Variants in RALGAPB observed in about 807,000 individuals in gnomAD.
RALGAPB encodes Ral GTPase activating protein non-catalytic subunit beta, also known as ral GTPase-activating protein subunit beta.
Under a neutral mutation model 161.1 loss-of-function variants are expected in RALGAPB, and 25 were observed. The ratio of observed to expected loss-of-function variants is 0.16; its 90% CI spans 0.11 to 0.22. The LOEUF (loss-of-function observed/expected upper bound fraction) is 0.22. Among genes scored for constraint, RALGAPB ranks in the 10% least tolerant of loss-of-function variants. The probability of loss-of-function intolerance (pLI) is 1.00; values close to 1 mark genes in which losing one functional copy is unlikely to be tolerated. For synonymous variants in RALGAPB, 629 were observed against 626.1 expected (o/e 1.00, Z -0.07); for missense variants, 1,391 against 1,815.2 (o/e 0.77, Z 4.25).
intron 5 of RALGAPB, among the ~76,000 whole-genome samples, chr20:38,507,176 T>G (rs958461234): frequency 1.3e-5 from 2 of 152,202 alleles, no homozygotes; most frequent in Non-Finnish European, 2.9e-5. Flanking sequence ...TTTAGTTCCC[T>G]TTTTAAAAAT....
At chr20:38,527,955 T>C (rs1443358251) in intron 13 of RALGAPB, among the ~76,000 whole-genome samples, 2 of 152,198 alleles carry the variant, frequency 1.3e-5, no homozygotes, top group Non-Finnish European at 2.9e-5. Context: ...CACCATCTCA[T>C]TTCTGTCCTA....
chr20:38,543,445 T>C (rs1246549760), intron 18 of RALGAPB, among the ~76,000 whole-genome samples: 1 of 152,230 alleles, frequency 6.6e-6, no homozygotes, highest in Non-Finnish European at 1.5e-5. Flanking sequence ...TGCCCTATTT[T>C]CGATCTCTTA....
intron 22 of RALGAPB, 50 bp from the exon 23 acceptor site, chr20:38,558,245 A>G (rs1329503943): frequency 1.4e-6 from 2 of 1,383,316 alleles, no homozygotes; most frequent in African/African-American, 1.5e-5. Flanking sequence ...TATAATTATA[A>G]CAATGAAAGA....
At chr20:38,492,614 C>A (rs2085312686) in intron 2 of RALGAPB, among the ~76,000 whole-genome samples, 1 of 152,110 alleles carries the variant, frequency 6.6e-6, no homozygotes, top group Non-Finnish European at 1.5e-5. Context: ...CATATCTAAT[C>A]TCTATGGAAA....
At chr20:38,490,758 C>T (rs2085256557) in intron 2 of RALGAPB, among the ~76,000 whole-genome samples, 1 of 151,958 alleles carries the variant, frequency 6.6e-6, no homozygotes, top group Non-Finnish European at 1.5e-5. Context: ...GATCCACCCA[C>T]CTTGGCCTCC....
intron 21 of RALGAPB, among the ~76,000 whole-genome samples, chr20:38,552,861 A>G (rs1027271568): frequency 2.0e-5 from 3 of 152,188 alleles, no homozygotes; most frequent in Admixed American, 2.0e-4. Flanking sequence ...CTGGAAGCAT[A>G]AGTAAAGAAT....
chr20:38,525,083 A>C, intron 11 of RALGAPB, 138 bp downstream of exon 11: 4 of 871,050 alleles, frequency 4.6e-6, no homozygotes, highest in Non-Finnish European at 7.2e-6. Flanking sequence ...AAATGAGTGT[A>C]GTGTGTCCAA....
At chr20:38,553,237 T>G (rs1324641641) in intron 21 of RALGAPB, among the ~76,000 whole-genome samples, 2 of 152,166 alleles carry the variant, frequency 1.3e-5, no homozygotes, top group African/African-American at 4.8e-5. Flanking sequence ...TGAGCCAGGT[T>G]GTTAGAAGGA....
intron 24 of RALGAPB, among the ~76,000 whole-genome samples, chr20:38,564,753 TGAG>T (rs987632889): frequency 1.3e-5 from 2 of 152,172 alleles, no homozygotes; most frequent in African/African-American, 4.8e-5. Flanking sequence ...TAGGCCAACT[TGAG>T]GAGCCATAGA....
intron 15 of RALGAPB, among the ~76,000 whole-genome samples, chr20:38,533,865 G>A (rs895152519): frequency 1.3e-5 from 2 of 152,096 alleles, no homozygotes; most frequent in African/African-American, 4.8e-5. Flanking sequence ...CTGGCTGGGC[G>A]CAGTGGCTCA....
At chr20:38,568,388 A>G (rs1357075581) in intron 26 of RALGAPB, 1 of 152,202 alleles carries the variant, frequency 6.6e-6, no homozygotes, top group Non-Finnish European at 1.5e-5. Context: ...TCTCAACTTG[A>G]TACAGAGCAT....
intron 2 of RALGAPB, among the ~76,000 whole-genome samples, chr20:38,492,670 A>G (rs922848876): frequency 6.6e-5 from 10 of 152,230 alleles, no homozygotes; most frequent in Admixed American, 3.3e-4. Context: ...AGCAAATAAT[A>G]ATAATATCTA....
chr20:38,531,099 T>C, intron 13 of RALGAPB, 68 bp from the exon 14 acceptor site: 1 of 1,317,304 alleles, frequency 7.6e-7, no homozygotes, highest in Non-Finnish European at 1.1e-6. Flanking sequence ...ATTAATCATA[T>C]AAAATGTCTT....
At chr20:38,565,283 C>T in intron 24 of RALGAPB, 76 bp from the exon 25 acceptor site, 3 of 1,518,874 alleles carry the variant, frequency 2.0e-6, no homozygotes, top group South Asian at 1.2e-5. Flanking sequence ...AACCAGTTAA[C>T]ATTTCATGTA....
At chr20:38,474,582 A>G (rs533043823) in intron 1 of RALGAPB, among the ~76,000 whole-genome samples, 4 of 152,232 alleles carry the variant, frequency 2.6e-5, no homozygotes, top group African/African-American at 9.6e-5. Flanking sequence ...CCAGGCCTAC[A>G]TACCCTTTTC....
chr20:38,531,331 G>A (rs2086645027), intron 14 of RALGAPB, 100 bp downstream of exon 14: 1 of 1,039,552 alleles, frequency 9.6e-7, no homozygotes, highest in Non-Finnish European at 1.4e-6. Flanking sequence ...AAGGCCTTTG[G>A]TTTGTAAATC....
intron 20 of RALGAPB, among the ~76,000 whole-genome samples, 155 bp downstream of exon 20, chr20:38,548,950 A>T (rs559000710): frequency 6.6e-6 from 1 of 152,334 alleles, no homozygotes; most frequent in African/African-American, 2.4e-5. Context: ...GGAACCTAGA[A>T]TTCCAGATGT....
intron 15 of RALGAPB, 129 bp from the exon 16 acceptor site, chr20:38,534,945 C>A: frequency 8.9e-7 from 1 of 1,121,590 alleles, no homozygotes; most frequent in Non-Finnish European, 1.3e-6. Flanking sequence ...GGGAGCGTAG[C>A]ACTGTGTGGG....
At chr20:38,478,459 C>T (rs1489017932) in intron 1 of RALGAPB, among the ~76,000 whole-genome samples, 1 of 152,116 alleles carries the variant, frequency 6.6e-6, no homozygotes. Context: ...CTCGCTCTGT[C>T]ACCCAGGCTA....
Sources: gnomAD v4.1 joint callset for allele counts (sites outside exome capture counted in the v4.1 genomes callset) on GRCh38, gnomAD v4.1.1 for gene constraint, MANE v1.5 for transcripts, NCBI Gene and HGNC (gene_info 2026-07-23, HGNC 2026-07-21) for gene names.